Variants in SAMD9L observed in about 807,000 individuals in gnomAD.
SAMD9L encodes sterile alpha motif domain containing 9 like.
SAMD9L carries 68 observed loss-of-function variants against 90.7 expected under a neutral mutation model. That is an observed-to-expected ratio of 0.75 (90% CI 0.62 to 0.92). The LOEUF is 0.92. Ranked by LOEUF, SAMD9L falls within the 40% of genes least tolerant of loss-of-function variation. The probability of loss-of-function intolerance (pLI) is 0.00; values close to 1 mark genes in which losing one functional copy is unlikely to be tolerated. For missense variants in SAMD9L, 1,604 were observed against 1,824.3 expected (o/e 0.88, Z 2.20); for synonymous variants, 640 against 630.1 (o/e 1.02, Z -0.23).
In SAMD9L at chr7:93,132,516, G is replaced by A; in HGVS notation, c.3456C>T (p.Leu1152=). 6.2e-7 allele frequency: 1 copy of A among 1,613,876 alleles called. No homozygotes were observed. The highest frequency in any genetic ancestry group is 1.1e-5 in the South Asian group (1 of 91,070). ...TTGAGGCTTTTTCCGCAGCTTCTAG[G>A]AGATGTGTTAGGTCATTAACAGTAA... ...RSITVNDLTH[L]LEAAEKASRA... The change falls in exon 5 of 5, where the codon CTC becomes CTT. Residue 1152 remains leucine (L), a synonymous_variant. Transcript: ENST00000318238.
intron 4 of SAMD9L, among the ~76,000 whole-genome samples, chr7:93,143,105 C>T (rs1792756810): frequency 6.6e-6 from 1 of 152,194 alleles, no homozygotes; most frequent in Admixed American, 6.5e-5. Context: ...ACAGCTTTCC[C>T]TCACTTTCTT....
intron 4 of SAMD9L, among the ~76,000 whole-genome samples, chr7:93,137,734 GTTTTTTTT>G (rs61599939): frequency 3.3e-5 from 4 of 121,942 alleles, no homozygotes; most frequent in African/African-American, 1.2e-4. Flanking sequence ...AGGAACCTAA[GTTTTTTTT>G]TTTTTTTTTT....
intron 4 of SAMD9L, among the ~76,000 whole-genome samples, chr7:93,139,007 A>G (rs1218171900): frequency 6.6e-6 from 1 of 152,210 alleles, no homozygotes; most frequent in East Asian, 1.9e-4. Context: ...TAGTCTTAAG[A>G]TATTTCATAC....
chr7:93,130,468 AG>A lies in SAMD9L; in HGVS notation c.*748del, dbSNP rs1792038194. The A allele has an allele frequency of 6.6e-6, 1 of 152,284 alleles. No individual in the cohort carries two copies. The highest frequency in any genetic ancestry group is 1.5e-5 in the Non-Finnish European group (1 of 68,094). 9.4% of individuals were successfully genotyped at this position (152,284 alleles called of 1,614,324 possible). ...GGGTAATGAATGGAAAAAATAAGCC[AG>A]GGGAGATGGGATCTAAGAAACAGGT... On this transcript the variant is annotated 3_prime_UTR_variant, in exon 5 of 5. Transcript: ENST00000318238.
At chr7:93,138,171 A>C (rs753630695) in intron 4 of SAMD9L, among the ~76,000 whole-genome samples, 4 of 152,156 alleles carry the variant, frequency 2.6e-5, no homozygotes, top group African/African-American at 7.2e-5. Context: ...TTAGATGATC[A>C]ATTCAGTTCA....
chr7:93,131,687 A>G lies in SAMD9L; in HGVS notation c.4285T>C (p.Leu1429=), dbSNP rs1792107542. Residue 1429 remains leucine, a synonymous_variant, in exon 5 of 5, where the codon TTG becomes CTG. Coordinates refer to ENST00000318238, the MANE Select transcript of SAMD9L (RefSeq NM_152703.5). ...LSHQYPGPYF[L]ACLLFWPENQ... ...TCTGGCCAGAACAGGAGGCAGGCCAAGAAATAAGGACCTGGATATTGATGA... is the reference window on the plus strand; with the variant it reads ...TCTGGCCAGAACAGGAGGCAGGCCAGGAAATAAGGACCTGGATATTGATGA... 6.2e-7 allele frequency: 1 copy of G among 1,613,974 alleles called. No homozygotes were observed. Among genetic ancestry groups the G allele is most frequent in the South Asian group, 1.1e-5 (1 of 91,072 alleles).
chr7:93,130,060 T>A lies in SAMD9L; in HGVS notation c.*1157A>T, dbSNP rs1001283971. ...TTACAAAGAGATACAAAGATGTGGA[T>A]AAATAAATATATTTTTTATTCAATA... On this transcript the variant is annotated 3_prime_UTR_variant, in exon 5 of 5. Coordinates refer to ENST00000318238, the MANE Select transcript of SAMD9L (RefSeq NM_152703.5). 1.3e-5 allele frequency: 2 copies of A among 152,204 alleles called. No individual in the cohort carries two copies. The highest frequency in any genetic ancestry group is 2.9e-5 in the Non-Finnish European group (2 of 68,028). 9.4% of individuals were successfully genotyped at this position (152,204 alleles called of 1,614,324 possible).
chr7:93,136,179 T>C (rs1792445922), intron 4 of SAMD9L, among the ~76,000 whole-genome samples, 188 bp from the exon 5 acceptor site: 1 of 152,148 alleles, frequency 6.6e-6, no homozygotes, highest in African/African-American at 2.4e-5. Flanking sequence ...CCCTTGTTTC[T>C]TAGGTGACTC....
intron 4 of SAMD9L, among the ~76,000 whole-genome samples, chr7:93,142,956 A>C (rs1792749844): frequency 6.6e-6 from 1 of 152,202 alleles, no homozygotes; most frequent in African/African-American, 2.4e-5. Context: ...TATAGACACC[A>C]GCGCTCTACA....
intron 1 of SAMD9L, among the ~76,000 whole-genome samples, chr7:93,147,906 T>G (rs773774920): frequency 1.1e-4 from 16 of 152,206 alleles, no homozygotes; most frequent in Non-Finnish European, 2.1e-4. Context: ...TTGCATCGTT[T>G]CTCTATCCTC....
In SAMD9L at chr7:93,131,418, G is replaced by A; in HGVS notation, c.4554C>T (p.Val1518=). The part of the protein sequence containing the change: ...HSGDVWKKNE[V]KDLLRRLTGQ... ...CAGTTAGACGACGCAGGAGGTCTTTGACTTCATTTTTTTTCCACACATCCC... is the reference window on the plus strand; with the variant it reads ...CAGTTAGACGACGCAGGAGGTCTTTAACTTCATTTTTTTTCCACACATCCC... Residue 1518 remains valine (V), a synonymous_variant, in exon 5 of 5, where the codon GTC becomes GTT. Coordinates refer to ENST00000318238, the MANE Select transcript of SAMD9L (RefSeq NM_152703.5). 2 of 1,613,696 alleles carry A rather than the reference G, an allele frequency of 1.2e-6. No individual in the cohort carries two copies. Among genetic ancestry groups the A allele is most frequent in the Non-Finnish European group, 1.7e-6 (2 of 1,179,836 alleles).
At chr7:93,139,685 T>C (rs1313467746) in intron 4 of SAMD9L, among the ~76,000 whole-genome samples, 1 of 152,202 alleles carries the variant, frequency 6.6e-6, no homozygotes, top group Non-Finnish European at 1.5e-5. Context: ...AATACATTTC[T>C]GTTGTTGAAG....
intron 4 of SAMD9L, among the ~76,000 whole-genome samples, chr7:93,138,146 C>T (rs1038738675): frequency 8.6e-5 from 13 of 152,034 alleles, no homozygotes; most frequent in Admixed American, 1.3e-4. Context: ...GCACAATGAA[C>T]GCTATAAACG....
rs781121824 is a variant in SAMD9L at position 93,131,536 on chromosome 7, C to G, written c.4436G>C (p.Gly1479Ala). 48 of 1,613,810 alleles carry G rather than the reference C, an allele frequency of 3.0e-5. No individual in the cohort carries two copies. Among genetic ancestry groups the G allele is most frequent in the African/African-American group, 4.0e-5 (3 of 74,868 alleles). The change falls in exon 5 of 5, where the codon GGC (glycine) becomes GCC (alanine). Residue 1479 changes from glycine to alanine, a missense_variant. Coordinates refer to ENST00000318238, the MANE Select transcript of SAMD9L (RefSeq NM_152703.5). ...SKQASTLFYL[G>A]KRKGLNSIVH... is the part of the protein sequence containing the mutation. The stretch of plus-strand genomic sequence containing the variant: ...AATACTGTTTAGACCCTTCCTTTTG[C>G]CCAGATAGAAAAGTGTGCTTGCCTG...
chr7:93,139,312 C>T (rs900443236), intron 4 of SAMD9L, among the ~76,000 whole-genome samples: 1 of 152,114 alleles, frequency 6.6e-6, no homozygotes, highest in South Asian at 2.1e-4. Flanking sequence ...TGAATTATAT[C>T]GCGCCAAAGT....
chr7:93,135,519 C>G lies in SAMD9L; in HGVS notation c.453G>C (p.Lys151Asn). 3.7e-6 allele frequency: 6 copies of G among 1,614,032 alleles called. No homozygotes were observed. Among genetic ancestry groups the G allele is most frequent in the Non-Finnish European group, 5.1e-6 (6 of 1,179,950 alleles). Residue 151 changes from lysine (K) to asparagine (N), a missense_variant, in exon 5 of 5, where the codon AAG becomes AAC. Physicochemically the swap from Lys to Asn is moderately conservative, Grantham distance 94 (BLOSUM62 0). Around this residue, in one of 7 missense-constraint regions of SAMD9L, gnomAD observed 374 missense variants for 363.6 expected, o/e 1.03. Transcript: ENST00000318238. ...GTTCAGGTTTTAGCTTACCCTTTTT[C>G]TTGTGTTTAGCATTTGCTACTTCAT... ...VLDEVANAKH[K>N]KKGKLKPEQL...
At chr7:93,137,734 G>GTTTTTTTT (rs61599939) in intron 4 of SAMD9L, among the ~76,000 whole-genome samples, 1 of 121,942 alleles carries the variant, frequency 8.2e-6, no homozygotes, top group African/African-American at 3.1e-5. Flanking sequence ...AGGAACCTAA[G>GTTTTTTTT]TTTTTTTTTT....
chr7:93,140,961 A>G (rs369548744), intron 4 of SAMD9L, among the ~76,000 whole-genome samples: 8 of 152,322 alleles, frequency 5.3e-5, no homozygotes, highest in Admixed American at 2.0e-4. Context: ...TTTTCTTCAC[A>G]GTAGATCTGT....
rs1342960658 is a variant in SAMD9L at position 93,134,322 on chromosome 7, G to C, written c.1650C>G (p.Leu550=). The change falls in exon 5 of 5, where the codon CTC becomes CTG. Residue 550 remains leucine (L), a synonymous_variant. Coordinates refer to ENST00000318238, the MANE Select transcript of SAMD9L (RefSeq NM_152703.5). ...GATCTCCTGGGCTTTCCACTGAAGA[G>C]AGTAATAGAAACACTACCAAAAATT... ...RGKFLVVFLL[L]SSVESPGDPL... 6.2e-7 allele frequency: 1 copy of C among 1,611,264 alleles called. No individual in the cohort carries two copies. The highest frequency in any genetic ancestry group is 1.1e-5 in the South Asian group (1 of 90,582).
Sources: allele counts gnomAD v4.1 joint callset (sites outside exome capture counted in the v4.1 genomes callset), GRCh38; gene constraint gnomAD v4.1.1; regional missense constraint gnomAD v4.1.1; transcripts MANE v1.5; gene names NCBI Gene and HGNC (gene_info 2026-07-23, HGNC 2026-07-21).